Variants in RELCH observed in about 807,000 individuals in gnomAD.
The protein encoded by RELCH is RAB11 binding and LisH domain, coiled-coil and HEAT repeat containing.
Under a neutral mutation model 150.3 loss-of-function variants are expected in RELCH, and 41 were observed. The observed-to-expected ratio is 0.27, with a 90% CI of 0.21 to 0.35. RELCH has a LOEUF of 0.35. Among genes scored for constraint, RELCH ranks in the 10% least tolerant of loss-of-function variants. The pLI, the probability that RELCH is intolerant of heterozygous loss-of-function variation, is 1.00. For synonymous variants in RELCH, 478 were observed against 531.8 expected, an observed-to-expected ratio of 0.90 and a Z score of 1.39; for missense variants, 1,092 against 1,467.8, an observed-to-expected ratio of 0.74 and a Z score of 4.18.
chr18:62,228,548 A>C lies in RELCH; in HGVS notation c.1398A>C (p.Pro466=), dbSNP rs774399470. Residue 466 remains proline, a synonymous_variant, in exon 8 of 29, where the codon CCA becomes CCC. Transcript: ENST00000644646. ...CCAGGAGAGAAAGAGAAGGAATGCC[A>C]CCTTCTTCTCTATCAAGTAAAAAGA... ...SFPRREREGM[P]PSSLSSKKTV... is the part of the protein sequence containing the mutation. 6.2e-7 allele frequency: 1 copy of C among 1,612,404 alleles called. No individual in the cohort carries two copies.
intron 20 of RELCH, among the ~76,000 whole-genome samples, chr18:62,272,467 T>G (rs1447315101): frequency 1.3e-5 from 2 of 152,116 alleles, no homozygotes; most frequent in Non-Finnish European, 1.5e-5. Flanking sequence ...GGGGCATTTC[T>G]TTTGAGTCAT....
At chr18:62,222,239 C>A (rs2040923819) in intron 5 of RELCH, among the ~76,000 whole-genome samples, 1 of 151,748 alleles carries the variant, frequency 6.6e-6, no homozygotes, top group Non-Finnish European at 1.5e-5. Flanking sequence ...TTCAGTTAAC[C>A]CCTCAGTTAT....
chr18:62,205,316 A>C (rs1438051346), intron 1 of RELCH, among the ~76,000 whole-genome samples: 1 of 152,186 alleles, frequency 6.6e-6, no homozygotes, highest in Non-Finnish European at 1.5e-5. Flanking sequence ...CCAAACTCAT[A>C]TTATATATAC....
chr18:62,288,947 A>G (rs2044965434), intron 26 of RELCH, among the ~76,000 whole-genome samples: 1 of 152,134 alleles, frequency 6.6e-6, no homozygotes, highest in African/African-American at 2.4e-5. Flanking sequence ...TGAAAATAAT[A>G]TTTAAAACTT....
rs965441761 is a variant in RELCH at position 62,306,869 on chromosome 18, T to C, written c.*1335T>C. 1 of 152,678 alleles carries C rather than the reference T, an allele frequency of 6.5e-6. No individual in the cohort carries two copies. Among genetic ancestry groups the C allele is most frequent in the Non-Finnish European group, 1.5e-5 (1 of 68,038 alleles). The allele number at this position is 152,678 out of a possible 1,614,324, so 9.5% of individuals were successfully genotyped here. A position where few individuals can be genotyped will look rare whatever the true frequency, so the allele number is the denominator to read the frequency against. On this transcript the variant is annotated 3_prime_UTR_variant, in exon 29 of 29. Transcript: ENST00000644646. ...CTGGTTTAATACATTTGGAACATAG[T>C]TGGATTACATTCATTTCCTGGGAAA...
chr18:62,209,608 G>T (rs2040030469), intron 1 of RELCH, among the ~76,000 whole-genome samples: 3 of 145,782 alleles, frequency 2.1e-5, no homozygotes, highest in East Asian at 2.0e-4. Context: ...AGACTTTTTT[G>T]TTTCCATGTG....
intron 10 of RELCH, among the ~76,000 whole-genome samples, chr18:62,238,815 C>T (rs1398461004): frequency 2.0e-5 from 3 of 152,022 alleles, no homozygotes; most frequent in Non-Finnish European, 4.4e-5. Flanking sequence ...GAAGATGAAA[C>T]ATATCTCAAT....
In RELCH at chr18:62,279,798, ACT is replaced by A; in HGVS notation, c.2995_2996del (p.Leu999GlyfsTer15). On this transcript the variant is annotated frameshift_variant, in exon 23 of 29. Transcript: ENST00000644646. LOFTEE classifies it high-confidence loss of function. ...FELLVKGVNE[T>X]LVAQRVVPAL... ...GCTGTTGGTGAAGGGGGTGAATGAA[ACT>A]CTGGTAGCTCAGAGGGTTGTTCCTG... The A allele has an allele frequency of 6.5e-7, 1 of 1,535,366 alleles. No individual in the cohort carries two copies. The highest frequency in any genetic ancestry group is 8.7e-7 in the Non-Finnish European group (1 of 1,146,548).
intron 1 of RELCH, among the ~76,000 whole-genome samples, chr18:62,190,214 A>G (rs1178776636): frequency 6.6e-6 from 1 of 152,244 alleles, no homozygotes; most frequent in Non-Finnish European, 1.5e-5. Flanking sequence ...ATTTGCATAC[A>G]GTAAAATTTA....
chr18:62,188,327 G>C (rs568534990), intron 1 of RELCH, among the ~76,000 whole-genome samples: 29 of 152,254 alleles, frequency 1.9e-4, no homozygotes, highest in African/African-American at 5.8e-4. Flanking sequence ...ACTCCAGAAG[G>C]TTCCCTTTTA....
chr18:62,264,928 A>G, intron 18 of RELCH, 76 bp downstream of exon 18: 3 of 1,170,088 alleles, frequency 2.6e-6, no homozygotes, highest in Non-Finnish European at 3.6e-6. Flanking sequence ...TAACAGGGTA[A>G]ATAAAAGCAT....
intron 10 of RELCH, among the ~76,000 whole-genome samples, chr18:62,237,481 A>G (rs375457337): frequency 1.6e-4 from 24 of 151,912 alleles, no homozygotes; most frequent in East Asian, 7.7e-4. Flanking sequence ...CATGATTTAA[A>G]CAAATGATAC....
rs770963487 is a variant in RELCH, at chr18:62,264,732, G to T, written c.2511G>T (p.Leu837Phe). 6.3e-7 allele frequency: 1 copy of T among 1,587,882 alleles called. No individual in the cohort carries two copies. The highest frequency in any genetic ancestry group is 1.7e-5 in the Admixed American group (1 of 57,338). The change falls in exon 18 of 29, where the codon TTG becomes TTT. Residue 837 changes from leucine (L) to phenylalanine (F), a missense_variant. Leu to Phe is a conservative substitution (Grantham distance 22). Transcript: ENST00000644646. ...ESLLWVVNQL[L>F]PQLIEIVGKI... ...TTTTCTTTCCTTTCATATTCAGGTT[G>T]CCACAACTTATAGAAATAGTTGGCA...
chr18:62,230,590 T>C (rs2041510040), intron 8 of RELCH, among the ~76,000 whole-genome samples: 1 of 152,102 alleles, frequency 6.6e-6, no homozygotes, highest in African/African-American at 2.4e-5. Context: ...TTTAGAAATA[T>C]AAATGTTTTA....
intron 20 of RELCH, 53 bp downstream of exon 20, chr18:62,269,001 C>A: frequency 1.1e-6 from 1 of 880,356 alleles, no homozygotes; most frequent in Non-Finnish European, 1.7e-6. Context: ...TAGAAAAATG[C>A]CTAGTATTGT....
intron 11 of RELCH, chr18:62,245,679 T>C (rs1211437293): frequency 6.6e-6 from 1 of 152,158 alleles, no homozygotes; most frequent in Non-Finnish European, 1.5e-5. Context: ...ATATAGGTAC[T>C]GAAGGCCATT....
intron 2 of RELCH, among the ~76,000 whole-genome samples, chr18:62,214,671 C>T (rs545183461): frequency 2.8e-4 from 43 of 152,252 alleles, no homozygotes; most frequent in African/African-American, 8.9e-4. Flanking sequence ...ATAGCTCATA[C>T]ACTCTGCATG....
At position 62,257,808 on chromosome 18, in the gene RELCH, A is replaced by G. The variant is rs2144646819; in HGVS notation, c.1897-140A>G. On this transcript the variant is annotated intron_variant, in intron 13 of 28. Coordinates refer to ENST00000644646, the MANE Select transcript of RELCH (RefSeq NM_001346231.2). ...AAGGTCTGAAGCAAAATCTCTGTAC[A>G]TCAACAGTTAGTCAGCATTTTTAAT... 16 of 642,838 alleles carry G rather than the reference A, an allele frequency of 2.5e-5. No individual in the cohort carries two copies. In the South Asian group the frequency reaches 4.4e-4, roughly 18 times the overall value. 39.8% of individuals were successfully genotyped at this position (642,838 alleles called of 1,614,324 possible).
At chr18:62,268,494 T>C (rs1227121712) in intron 19 of RELCH, 1 of 159,228 alleles carries the variant, frequency 6.3e-6, no homozygotes, top group Non-Finnish European at 1.4e-5. Flanking sequence ...TCTATGTGCT[T>C]TTAGGTGAGT....
Sources: allele counts gnomAD v4.1 joint callset (sites outside exome capture counted in the v4.1 genomes callset), GRCh38; gene constraint gnomAD v4.1.1; transcripts MANE v1.5; gene names NCBI Gene and HGNC (gene_info 2026-07-23, HGNC 2026-07-21).